NOS3: variants seen among roughly 807,000 people sequenced by gnomAD.
NOS3 encodes nitric oxide synthase 3.
Under a neutral mutation model 144.9 loss-of-function variants are expected in NOS3, and 98 were observed. That is an observed-to-expected ratio of 0.68 (90% CI 0.57 to 0.80). NOS3 has a LOEUF of 0.80. Ranked by LOEUF, NOS3 falls within the 30% of genes least tolerant of loss-of-function variation. The pLI is 0.00. For missense variants in NOS3, 1,465 were observed against 1,656.4 expected, an observed-to-expected ratio of 0.88 and a Z score of 2.01; for synonymous variants, 714 against 702.4, an observed-to-expected ratio of 1.02 and a Z score of -0.26.
intron 14 of NOS3, among the ~76,000 whole-genome samples, chr7:151,005,634 C>T (rs1045874616): frequency 8.5e-5 from 13 of 152,220 alleles, no homozygotes; most frequent in Non-Finnish European, 1.8e-4. Context: ...AGCAACTCCA[C>T]TTCTAAGGAT....
Position 150,998,434 on chromosome 7 carries a change from C to G in NOS3, c.660C>G (p.Asn220Lys). The stretch of plus-strand genomic sequence containing the variant: ...GCAACCACATCAAGTATGCCACCAA[C>G]CGGGGCAACCTTCGGTGAGTGCCCC... ...YICNHIKYAT[N>K]RGNLRSAITV... Residue 220 changes from asparagine (N) to lysine (K), a missense_variant, in exon 6 of 27, where the codon AAC becomes AAG. By Grantham distance (94) the Asn-to-Lys change is moderately conservative. Transcript: ENST00000297494. The surrounding 1 kb of genome is among the most constrained non-coding windows in gnomAD (Gnocchi z 5.0). 4 of 1,612,472 alleles carry G rather than the reference C, an allele frequency of 2.5e-6. No homozygotes were observed. Among genetic ancestry groups the G allele is most frequent in the Non-Finnish European group, 3.4e-6 (4 of 1,179,840 alleles).
chr7:151,011,175 G>A (rs1795297099), intron 23 of NOS3, among the ~76,000 whole-genome samples, 189 bp downstream of exon 23: 1 of 152,116 alleles, frequency 6.6e-6, no homozygotes, highest in Non-Finnish European at 1.5e-5. Flanking sequence ...TAGACTCAGA[G>A]TTCTGCCCTG....
Position 151,007,196 on chromosome 7 carries a change from C to CA in NOS3, c.2032_2033insA (p.Arg678GlnfsTer31). The stretch of plus-strand genomic sequence containing the variant: ...ACGGCTGGAGGAACTGGGCGGGGAG[C>CA]GGCTGCTGCAGCTGGGCCAGGGCGA... On this transcript the variant is annotated frameshift_variant, in exon 17 of 27. Transcript: ENST00000297494. LOFTEE classifies it high-confidence loss of function. 1 of 1,612,506 alleles carries CA rather than the reference C, an allele frequency of 6.2e-7. No homozygotes were observed. The highest frequency in any genetic ancestry group is 8.5e-7 in the Non-Finnish European group (1 of 1,179,860).
At position 151,006,514 on chromosome 7, in the gene NOS3, G is replaced by T. The variant is rs778007530; in HGVS notation, c.1820+20G>T. On this transcript the variant is annotated intron_variant, in intron 15 of 26. Coordinates refer to ENST00000297494, the MANE Select transcript of NOS3 (RefSeq NM_000603.5). ...GCACAAGTGAGTTGGGTGAGAGTTT[G>T]GGGGAGCTGGGGGAGCTGATGCATT... The T allele has an allele frequency of 1.3e-6, 2 of 1,576,560 alleles. No individual in the cohort carries two copies. The highest frequency in any genetic ancestry group is 1.7e-5 in the Admixed American group (1 of 57,956).
rs1037304860 is a variant in NOS3, at chr7:150,993,215, T to C, written c.-51-538T>C. 6.6e-6 allele frequency among the ~76,000 whole-genome samples: 1 copy of C among 152,182 alleles called. No individual in the cohort carries two copies. Among genetic ancestry groups the C allele is most frequent in the Non-Finnish European group, 1.5e-5 (1 of 68,012 alleles). On this transcript the variant is annotated intron_variant, in intron 1 of 26. Transcript: ENST00000297494. The surrounding 1 kb of genome is among the most constrained non-coding windows in gnomAD (Gnocchi z 4.0). ...GGACAAAAAGTCACTACATCCTTGC[T>C]GGGCCTCTATCCCCAAGAACCCAAA...
rs1795149936 is a variant in NOS3 at position 151,003,308 on chromosome 7, T to G, written c.1752+1004T>G. 1 of 579,372 alleles carries G rather than the reference T, an allele frequency of 1.7e-6. No individual in the cohort carries two copies. The highest frequency in any genetic ancestry group is 2.9e-6 in the Non-Finnish European group (1 of 343,454). The allele number at this position is 579,372 out of a possible 1,614,324, so 35.9% of individuals were successfully genotyped here. ...GCCTAGCTAATTTTTGTATTTTTTA[T>G]AGAGATGGGGTTTCGCCATGTTGCC... On this transcript the variant is annotated intron_variant, in intron 14 of 26. Transcript: ENST00000297494. The surrounding 1 kb of genome is among the most constrained non-coding windows in gnomAD (Gnocchi z 4.1).
chr7:151,008,890 G>C, intron 17 of NOS3, 40 bp from the exon 18 acceptor site: 2 of 1,567,964 alleles, frequency 1.3e-6, no homozygotes, highest in Non-Finnish European at 1.7e-6. Flanking sequence ...GCGACCCCTG[G>C]TGGCGGGAGG....
chr7:150,997,397 A>G (rs1802455714), intron 5 of NOS3, among the ~76,000 whole-genome samples: 1 of 152,060 alleles, frequency 6.6e-6, no homozygotes, highest in Non-Finnish European at 1.5e-5. Context: ...CCAAGAGAGA[A>G]GGCTTCTCCC....
intron 24 of NOS3, chr7:151,012,920 G>A (rs1163861030): frequency 7.1e-6 from 3 of 419,608 alleles, no homozygotes; most frequent in African/African-American, 2.0e-5. Flanking sequence ...AATATGAAGT[G>A]GGAGCGGGGA....
chr7:151,009,371 C>CTTTTTTAATG (rs1391874132), intron 19 of NOS3, 27 bp from the exon 20 acceptor site: 2 of 1,191,354 alleles, frequency 1.7e-6, no homozygotes, highest in South Asian at 2.7e-5. Context: ...TCTGACTCCC[C>CTTTTTTAATG]ATAAGTGCCC....
In NOS3 at chr7:151,000,483, A is replaced by C; in HGVS notation, c.1132-15A>C. On this transcript the variant is annotated splice_polypyrimidine_tract_variant and intron_variant, in intron 9 of 26. Transcript: ENST00000297494. ...ACCTCTGTCCCTACCGATGCCACAC[A>C]CCCTTCTGCCCCAGGATGTGGCTGT... 1 of 1,555,720 alleles carries C rather than the reference A, an allele frequency of 6.4e-7. No individual in the cohort carries two copies. The highest frequency in any genetic ancestry group is 8.9e-7 in the Non-Finnish European group (1 of 1,127,484).
At chr7:151,000,040 T>G (rs1795050387) in intron 9 of NOS3, among the ~76,000 whole-genome samples, 1 of 125,762 alleles carries the variant, frequency 8.0e-6, no homozygotes, top group Admixed American at 8.6e-5. Context: ...TGGGTGTGAG[T>G]GTGGATGTGT....
rs758172542 is a variant in NOS3 at position 151,009,604 on chromosome 7, A to C, written c.2512+19A>C. The C allele has an allele frequency of 1.1e-4, 163 of 1,509,852 alleles. No individual in the cohort carries two copies. Among genetic ancestry groups the C allele is most frequent in the Non-Finnish European group, 1.4e-4 (158 of 1,126,824 alleles). 93.5% of individuals were successfully genotyped at this position (1,509,852 alleles called of 1,614,324 possible). A position where few individuals can be genotyped will look rare whatever the true frequency, so the allele number is the denominator to read the frequency against. The stretch of plus-strand genomic sequence containing the variant: ...AGCCCTGGTGAGGGGCAGCCTGGGA[A>C]GCAACAGGGCACACCAGCCCCATGC... On this transcript the variant is annotated intron_variant, in intron 20 of 26. Coordinates refer to ENST00000297494, the MANE Select transcript of NOS3 (RefSeq NM_000603.5).
chr7:151,003,087 T>C lies in NOS3; in HGVS notation c.1752+783T>C, dbSNP rs1584906528. Reference sequence around the variant, plus strand: ...TCTTACCTGCTCCAGCTTCTAGGTGTTAAAGGCCTTATTAGCACTAAGTAC... The same window carrying C: ...TCTTACCTGCTCCAGCTTCTAGGTGCTAAAGGCCTTATTAGCACTAAGTAC... On this transcript the variant is annotated intron_variant, in intron 14 of 26. Transcript: ENST00000297494. This position sits in a 1 kb window ranked among gnomAD's most constrained non-coding sequence, Gnocchi z 4.1. 3 of 423,324 alleles carry C rather than the reference T, an allele frequency of 7.1e-6. No homozygotes were observed. In the East Asian group the frequency reaches 2.2e-4, roughly 31 times the overall value. The allele number at this position is 423,324 out of a possible 1,614,324, so 26.2% of individuals were successfully genotyped here.
chr7:151,007,656 A>AGAGGCAAGGGCTGAAGCT (rs1795226868), intron 17 of NOS3, among the ~76,000 whole-genome samples: 1 of 152,244 alleles, frequency 6.6e-6, no homozygotes, highest in African/African-American at 2.4e-5. Context: ...AAGGTCAGAC[A>AGAGGCAAGGGCTGAAGCT]GAGGCAAGGG....
chr7:151,005,842 A>G (rs1795198051), intron 14 of NOS3, among the ~76,000 whole-genome samples: 1 of 152,234 alleles, frequency 6.6e-6, no homozygotes, highest in Admixed American at 6.5e-5. Flanking sequence ...AGACTGAACA[A>G]CACAGCGAGA....
rs927082606 is a variant in NOS3 at position 151,003,420 on chromosome 7, C to T, written c.1752+1116C>T. 15 of 1,221,968 alleles carry T rather than the reference C, an allele frequency of 1.2e-5. No homozygotes were observed. The highest frequency in any genetic ancestry group is 1.6e-5 in the African/African-American group (1 of 63,844). 75.7% of individuals were successfully genotyped at this position (1,221,968 alleles called of 1,614,324 possible). On this transcript the variant is annotated intron_variant, in intron 14 of 26. Coordinates refer to ENST00000297494, the MANE Select transcript of NOS3 (RefSeq NM_000603.5). The surrounding 1 kb of genome is among the most constrained non-coding windows in gnomAD (Gnocchi z 4.1). ...CGATTATAGACGTGAGCCACTGCAC[C>T]TGGCCCTCAGTATCTTAAGCAAGTT...
Position 150,998,528 on chromosome 7 carries a change from A to T in NOS3, c.675-11A>T. ...CGGGGCTCTGACCAGCTCTTTCCCC[A>T]TGCGTGCCAGCTCGGCCATCACAGT... On this transcript the variant is annotated splice_polypyrimidine_tract_variant and intron_variant, in intron 6 of 26. Transcript: ENST00000297494. This position sits in a 1 kb window ranked among gnomAD's most constrained non-coding sequence, Gnocchi z 5.0. 6.2e-7 allele frequency: 1 copy of T among 1,610,890 alleles called. No individual in the cohort carries two copies. The highest frequency in any genetic ancestry group is 8.5e-7 in the Non-Finnish European group (1 of 1,179,272).
chr7:151,013,464 C>T, intron 25 of NOS3, 85 bp downstream of exon 25: 1 of 1,490,162 alleles, frequency 6.7e-7, no homozygotes, highest in Non-Finnish European at 9.0e-7. Context: ...ACACCAACCA[C>T]GGCCCTCCCG....
Sources: allele counts gnomAD v4.1 joint callset (sites outside exome capture counted in the v4.1 genomes callset), GRCh38; gene constraint gnomAD v4.1.1; non-coding constraint Gnocchi (gnomAD v3.1); transcripts MANE v1.5; gene names NCBI Gene and HGNC (gene_info 2026-07-23, HGNC 2026-07-21).